The following IFT88 variants were observed in gnomAD, a reference collection of about 807,000 sequenced individuals.
The protein encoded by IFT88 is intraflagellar transport protein 88 homolog.
Under a neutral mutation model 119.5 loss-of-function variants are expected in IFT88, and 74 were observed. The ratio of observed to expected loss-of-function variants is 0.62; its 90% CI spans 0.51 to 0.75. The LOEUF is 0.75. Ranked by LOEUF, IFT88 falls within the 30% of genes least tolerant of loss-of-function variation. The probability of loss-of-function intolerance (pLI) is 0.00; values close to 1 mark genes in which losing one functional copy is unlikely to be tolerated. For synonymous variants in IFT88, 279 were observed against 316.7 expected (o/e 0.88, Z 1.26); for missense variants, 961 against 977.7 (o/e 0.98, Z 0.23).
chr13:20,649,215 A>T (rs1036147998), intron 20 of IFT88, among the ~76,000 whole-genome samples: 1 of 152,212 alleles, frequency 6.6e-6, no homozygotes, highest in Non-Finnish European at 1.5e-5. Context: ...GAGATTGTAC[A>T]TTCTTAAGTG....
At chr13:20,607,693 G>T in intron 13 of IFT88, 3 of 804,892 alleles carry the variant, frequency 3.7e-6, no homozygotes, top group Non-Finnish European at 6.7e-6. Flanking sequence ...ACTTGACTAC[G>T]TCTCACAGTG....
intron 1 of IFT88, among the ~76,000 whole-genome samples, chr13:20,572,394 T>G (rs550576290): frequency 6.6e-6 from 1 of 152,246 alleles, no homozygotes; most frequent in African/African-American, 2.4e-5. Context: ...AGTTTTTGTA[T>G]TTTTAGTAGC....
At chr13:20,567,850 T>G in intron 1 of IFT88, 1 of 1,071,298 alleles carries the variant, frequency 9.3e-7, no homozygotes, top group Non-Finnish European at 1.3e-6. Context: ...ATTTTCTGGT[T>G]GTGAGTTTTT....
At chr13:20,654,017 C>A (rs1435596472) in intron 21 of IFT88, 89 bp downstream of exon 21, 1 of 627,310 alleles carries the variant, frequency 1.6e-6, no homozygotes. Flanking sequence ...AGTTGCATAT[C>A]TGTTTATTAA....
intron 12 of IFT88, among the ~76,000 whole-genome samples, chr13:20,604,181 A>G (rs1199864216): frequency 1.3e-5 from 2 of 152,212 alleles, no homozygotes; most frequent in African/African-American, 2.4e-5. Context: ...TTGAGACTGC[A>G]GTGACCCATG....
intron 22 of IFT88, among the ~76,000 whole-genome samples, chr13:20,657,879 T>G (rs1349536786): frequency 6.6e-6 from 1 of 152,190 alleles, no homozygotes; most frequent in Admixed American, 6.5e-5. Flanking sequence ...AGTTTTCTAA[T>G]GGCCAAGGAT....
chr13:20,629,591 CAT>C (rs2047880911), intron 15 of IFT88, among the ~76,000 whole-genome samples: 1 of 152,196 alleles, frequency 6.6e-6, no homozygotes, highest in Non-Finnish European at 1.5e-5. Context: ...ACAGTTTACT[CAT>C]ATTCTAACCA....
intron 24 of IFT88, among the ~76,000 whole-genome samples, chr13:20,685,013 C>T (rs568572284): frequency 4.9e-4 from 74 of 152,326 alleles, no homozygotes; most frequent in Middle Eastern, 3.4e-3. Flanking sequence ...GGCTGACAGC[C>T]GTCAGAGCTG....
chr13:20,684,860 C>T (rs759388711), intron 24 of IFT88, among the ~76,000 whole-genome samples: 1 of 152,228 alleles, frequency 6.6e-6, no homozygotes, highest in Admixed American at 6.5e-5. Context: ...ACTGTCGCTT[C>T]GGGGCGACCC....
intron 12 of IFT88, among the ~76,000 whole-genome samples, chr13:20,604,007 G>A (rs867894268): frequency 1.3e-5 from 2 of 152,206 alleles, no homozygotes; most frequent in Non-Finnish European, 2.9e-5. Flanking sequence ...GGTTTAGTGA[G>A]TTGTGATCAC....
intron 15 of IFT88, 114 bp downstream of exon 15, chr13:20,625,963 T>G (rs567778409): frequency 2.6e-6 from 1 of 383,088 alleles, no homozygotes; most frequent in East Asian, 4.2e-5. Flanking sequence ...TGAAGTTGAA[T>G]AATATTTTTA....
intron 20 of IFT88, among the ~76,000 whole-genome samples, chr13:20,651,714 C>T (rs903481420): frequency 2.0e-5 from 3 of 151,664 alleles, no homozygotes; most frequent in Non-Finnish European, 2.9e-5. Flanking sequence ...TTATTATTAA[C>T]CTCTTACCAT....
intron 24 of IFT88, among the ~76,000 whole-genome samples, chr13:20,682,060 A>G (rs2057383355): frequency 6.6e-6 from 1 of 152,264 alleles, no homozygotes; most frequent in Non-Finnish European, 1.5e-5. Flanking sequence ...GGGTTTGCCA[A>G]GACTATTTAT....
At chr13:20,613,848 A>C (rs778476631) in intron 13 of IFT88, among the ~76,000 whole-genome samples, 7 of 152,160 alleles carry the variant, frequency 4.6e-5, no homozygotes, top group Non-Finnish European at 1.0e-4. Flanking sequence ...AATACAATAC[A>C]GATGAACCTT....
intron 14 of IFT88, among the ~76,000 whole-genome samples, chr13:20,623,710 C>T (rs183920427): frequency 3.3e-5 from 5 of 152,216 alleles, no homozygotes; most frequent in Admixed American, 6.5e-5. Flanking sequence ...CTCCTGACCT[C>T]GTGATCCTCC....
At chr13:20,567,765 G>A (rs1171651377) in intron 1 of IFT88, 31 of 1,348,022 alleles carry the variant, frequency 2.3e-5, no homozygotes, top group Non-Finnish European at 2.8e-5. Flanking sequence ...CACAAAGATG[G>A]AAACATTCCA....
chr13:20,587,969 C>T (rs984711496), intron 3 of IFT88, among the ~76,000 whole-genome samples: 2 of 143,490 alleles, frequency 1.4e-5, no homozygotes, highest in African/African-American at 2.5e-5. Context: ...TTACTGATTT[C>T]CTTTAAATTT....
At chr13:20,648,114 T>C (rs1371000026) in intron 20 of IFT88, among the ~76,000 whole-genome samples, 1 of 152,160 alleles carries the variant, frequency 6.6e-6, no homozygotes, top group African/African-American at 2.4e-5. Flanking sequence ...TTCTGTATCC[T>C]GGCCAAGCGT....
intron 24 of IFT88, among the ~76,000 whole-genome samples, chr13:20,682,537 C>T (rs1345827138): frequency 6.6e-6 from 1 of 152,150 alleles, no homozygotes; most frequent in Non-Finnish European, 1.5e-5. Flanking sequence ...CAATTGATCC[C>T]TACTTATGGT....
Sources: allele counts gnomAD v4.1 joint callset (sites outside exome capture counted in the v4.1 genomes callset), GRCh38; gene constraint gnomAD v4.1.1; transcripts MANE v1.5; gene names NCBI Gene and HGNC (gene_info 2026-07-23, HGNC 2026-07-21).